The following EDN1 variants were observed in gnomAD, a reference collection of about 807,000 sequenced individuals.
EDN1 encodes the protein endothelin 1.
EDN1 carries 11 observed loss-of-function variants against 21.7 expected under a neutral mutation model. The ratio of observed to expected loss-of-function variants is 0.51; its 90% confidence interval spans 0.32 to 0.84. The LOEUF (loss-of-function observed/expected upper bound fraction) is 0.84. Ranked by LOEUF, EDN1 falls within the 40% of genes least tolerant of loss-of-function variation. EDN1 has a pLI of 0.03. For synonymous variants in EDN1, 85 were observed against 90.6 expected (o/e 0.94, Z 0.35); for missense variants, 244 against 262.3 (o/e 0.93, Z 0.48).
At chr6:12,282,334 G>A in the EDN1 span, among the ~76,000 whole-genome samples, 1 of 152,212 alleles carries the variant, frequency 6.6e-6, no homozygotes, top group East Asian at 1.9e-4. Context: ...ACAAGGCTGT[G>A]CAAATGCTTT....
chr6:12,255,959 T>C, the EDN1 span, among the ~76,000 whole-genome samples: 1 of 152,212 alleles, frequency 6.6e-6, no homozygotes, highest in Admixed American at 6.5e-5. Context: ...AAGAGGGATC[T>C]GCTTCTAGTT....
chr6:12,239,346 A>G, the EDN1 span, among the ~76,000 whole-genome samples: 6 of 152,192 alleles, frequency 3.9e-5, no homozygotes, highest in African/African-American at 1.4e-4. Flanking sequence ...CTGACTCTAT[A>G]ATAAAGCCTC....
At chr6:12,258,308 G>A in the EDN1 span, among the ~76,000 whole-genome samples, 31 of 151,408 alleles carry the variant, frequency 2.0e-4, no homozygotes, top group Non-Finnish European at 4.0e-4. Context: ...AAATTAGCTG[G>A]TGTGGCGGTA....
chr6:12,258,849 G>A, the EDN1 span, among the ~76,000 whole-genome samples: 3 of 152,238 alleles, frequency 2.0e-5, no homozygotes, highest in South Asian at 4.2e-4. Flanking sequence ...TGATGAAACT[G>A]AGCATTCATT....
chr6:12,274,948 T>G, the EDN1 span, among the ~76,000 whole-genome samples: 25,797 of 142,532 alleles, frequency 0.18, 2,382 homozygotes, highest in South Asian at 0.33. Context: ...TCTCCTTCCT[T>G]CCTTCCTTCC....
the EDN1 span, among the ~76,000 whole-genome samples, chr6:12,267,994 C>A: frequency 7.2e-5 from 11 of 152,186 alleles, no homozygotes; most frequent in Admixed American, 3.3e-4. Context: ...GACAGTACAT[C>A]TATTTACAGC....
At chr6:12,288,691 C>G (rs1762606133), upstream of EDN1, among the ~76,000 whole-genome samples, 1 of 152,174 alleles carries the variant, frequency 6.6e-6, no homozygotes, top group African/African-American at 2.4e-5. Context: ...TGTCCCTGTT[C>G]CCCCAGCTGT....
chr6:12,273,962 T>C, the EDN1 span, among the ~76,000 whole-genome samples: 2 of 152,196 alleles, frequency 1.3e-5, no homozygotes, highest in African/African-American at 4.8e-5. Context: ...GGGTGCTAAA[T>C]AGAGGGTGGA....
At chr6:12,278,848 G>C in the EDN1 span, among the ~76,000 whole-genome samples, 1 of 152,038 alleles carries the variant, frequency 6.6e-6, no homozygotes, top group Non-Finnish European at 1.5e-5. Context: ...AGTGAGCCGA[G>C]ATCATGCCAC....
the EDN1 span, among the ~76,000 whole-genome samples, chr6:12,240,990 A>G: frequency 7.9e-5 from 12 of 152,262 alleles, no homozygotes; most frequent in African/African-American, 2.9e-4. Context: ...TGGAGCCATT[A>G]TGCCAGCCCT....
the EDN1 span, among the ~76,000 whole-genome samples, chr6:12,230,953 A>C: frequency 2.0e-5 from 3 of 152,156 alleles, no homozygotes; most frequent in African/African-American, 4.8e-5. Context: ...CAGAACCAAA[A>C]CAGTAGTTCA....
chr6:12,237,225 C>G, the EDN1 span, among the ~76,000 whole-genome samples: 1 of 152,066 alleles, frequency 6.6e-6, no homozygotes. Context: ...TCCAGACTAT[C>G]ATTGATGGAC....
chr6:12,276,331 T>A, the EDN1 span, among the ~76,000 whole-genome samples: 1 of 152,244 alleles, frequency 6.6e-6, no homozygotes, highest in Non-Finnish European at 1.5e-5. Flanking sequence ...GTGCAAGCAC[T>A]GTGCTGGGAA....
At chr6:12,293,507 T>A (rs1310549855) in intron 2 of EDN1, among the ~76,000 whole-genome samples, 1 of 152,284 alleles carries the variant, frequency 6.6e-6, no homozygotes, top group East Asian at 1.9e-4. Context: ...GTGGTTTGAG[T>A]TGAAAATAAG....
chr6:12,286,507 C>T (rs1162871814), upstream of EDN1, among the ~76,000 whole-genome samples: 4 of 152,196 alleles, frequency 2.6e-5, no homozygotes, highest in Admixed American at 2.6e-4. Context: ...GATAGCTTCA[C>T]TTTGCCTATG....
chr6:12,236,775 T>G, the EDN1 span, among the ~76,000 whole-genome samples: 6 of 151,098 alleles, frequency 4.0e-5, no homozygotes, highest in African/African-American at 1.5e-4. Flanking sequence ...TTTCTTTTTT[T>G]TTTTTTGTTA....
chr6:12,268,384 C>T, the EDN1 span, among the ~76,000 whole-genome samples: 1 of 152,046 alleles, frequency 6.6e-6, no homozygotes, highest in Non-Finnish European at 1.5e-5. Context: ...CTGAAAAATC[C>T]TTGCCCAGAC....
At chr6:12,276,892 G>T in the EDN1 span, among the ~76,000 whole-genome samples, 2 of 152,180 alleles carry the variant, frequency 1.3e-5, no homozygotes, top group Admixed American at 6.5e-5. Context: ...AATTAGTTTT[G>T]CATTGATAAA....
chr6:12,287,085 C>T (rs185881168), upstream of EDN1, among the ~76,000 whole-genome samples: 243 of 151,772 alleles, frequency 1.6e-3, 1 homozygote, highest in African/African-American at 5.2e-3. Context: ...CCACTGCACT[C>T]CAGCCTTGGA....
Sources: allele counts gnomAD v4.1 joint callset (sites outside exome capture counted in the v4.1 genomes callset), GRCh38; gene constraint gnomAD v4.1.1; transcripts MANE v1.5; gene names NCBI Gene and HGNC (gene_info 2026-07-23, HGNC 2026-07-21).